DENND1B: variants seen among roughly 807,000 people sequenced by gnomAD.
DENND1B encodes DENN domain containing 1B.
A neutral mutation model predicts 90.1 loss-of-function variants in DENND1B; 59 were observed. The ratio of observed to expected loss-of-function variants is 0.65; its 90% CI spans 0.53 to 0.81. The LOEUF (loss-of-function observed/expected upper bound fraction) is 0.81. Among genes scored for constraint, DENND1B ranks in the 40% least tolerant of loss-of-function variants. The pLI is 0.00. For synonymous variants in DENND1B, 337 were observed against 324.6 expected, an observed-to-expected ratio of 1.04 and a Z score of -0.41; for missense variants, 862 against 912.6, an observed-to-expected ratio of 0.94 and a Z score of 0.71.
chr1:197,649,287 C>T (rs927044799), intron 7 of DENND1B, among the ~76,000 whole-genome samples: 11 of 152,104 alleles, frequency 7.2e-5, no homozygotes, highest in South Asian at 2.1e-4. Context: ...TGGGGAGCTA[C>T]GAAAGGTTTT....
At chr1:197,653,991 T>A (rs1216555130) in intron 6 of DENND1B, among the ~76,000 whole-genome samples, 1 of 152,190 alleles carries the variant, frequency 6.6e-6, no homozygotes, top group Non-Finnish European at 1.5e-5. Flanking sequence ...TGAATGTCTG[T>A]ACAGCTTCAA....
intron 2 of DENND1B, among the ~76,000 whole-genome samples, chr1:197,771,163 C>T (rs1656553067): frequency 6.6e-6 from 1 of 152,018 alleles, no homozygotes; most frequent in South Asian, 2.1e-4. Context: ...CTGTCCACCT[C>T]GGCCTCCAAA....
chr1:197,624,880 C>T (rs985521200), intron 10 of DENND1B, among the ~76,000 whole-genome samples: 4 of 151,862 alleles, frequency 2.6e-5, no homozygotes, highest in Admixed American at 6.6e-5. Flanking sequence ...GCAGAAGCCT[C>T]AGGAGCCGAT....
At chr1:197,770,608 A>G (rs12748992) in intron 2 of DENND1B, among the ~76,000 whole-genome samples, 14 of 126,738 alleles carry the variant, frequency 1.1e-4, no homozygotes, top group Admixed American at 2.6e-4. Context: ...GTGTGTGTGT[A>G]TATATATCTA....
intron 10 of DENND1B, among the ~76,000 whole-genome samples, chr1:197,628,325 G>A (rs1352669668): frequency 6.6e-6 from 1 of 152,144 alleles, no homozygotes; most frequent in Non-Finnish European, 1.5e-5. Context: ...TACCAAAACA[G>A]ATATATAGAT....
chr1:197,672,963 T>C (rs1655672940), intron 4 of DENND1B, among the ~76,000 whole-genome samples: 1 of 151,988 alleles, frequency 6.6e-6, no homozygotes, highest in Admixed American at 6.6e-5. Flanking sequence ...TGCTTCCTTG[T>C]CCCAAAATAA....
chr1:197,692,312 A>C (rs1364413258), intron 3 of DENND1B, among the ~76,000 whole-genome samples: 1 of 151,798 alleles, frequency 6.6e-6, no homozygotes, highest in Non-Finnish European at 1.5e-5. Context: ...TTTAAAATAT[A>C]GATGTGATGT....
intron 3 of DENND1B, among the ~76,000 whole-genome samples, chr1:197,697,697 T>C (rs1160839392): frequency 6.6e-6 from 1 of 151,618 alleles, no homozygotes; most frequent in Non-Finnish European, 1.5e-5. Flanking sequence ...AAGATACATA[T>C]AGGATCAAAA....
intron 7 of DENND1B, among the ~76,000 whole-genome samples, chr1:197,648,174 TACCA>T (rs1278269131): frequency 6.6e-6 from 1 of 152,184 alleles, no homozygotes; most frequent in Non-Finnish European, 1.5e-5. Flanking sequence ...TTCAATTTGC[TACCA>T]ACCAACACCT....
intron 2 of DENND1B, among the ~76,000 whole-genome samples, chr1:197,725,754 G>C (rs75963595): frequency 6.6e-6 from 1 of 151,834 alleles, no homozygotes; most frequent in Non-Finnish European, 1.5e-5. Context: ...AAAGGGCCTT[G>C]AGAGTGATAA....
chr1:197,557,110 T>C lies in DENND1B; in HGVS notation c.1150-3998A>G, dbSNP rs115862952. ...ACTTATAATGTTGGCATCTTTGCTA[T>C]ACATAATGGTAATTTTTAAATAAGG... On this transcript the variant is annotated intron_variant, in intron 15 of 22. Coordinates refer to ENST00000620048, the MANE Select transcript of DENND1B (RefSeq NM_001195215.2). Among the ~76,000 whole-genome samples, 899 of 152,146 alleles carry C rather than the reference T, an allele frequency of 5.9e-3. 13 individuals are homozygous for C. The highest frequency in any genetic ancestry group is 0.02 in the African/African-American group (841 of 41,558).
chr1:197,565,543 G>C (rs1482554825), intron 15 of DENND1B, among the ~76,000 whole-genome samples: 3 of 150,786 alleles, frequency 2.0e-5, no homozygotes, highest in African/African-American at 4.9e-5. Context: ...CAATGTGCAG[G>C]TTAGTTACAT....
intron 7 of DENND1B, among the ~76,000 whole-genome samples, chr1:197,648,292 T>A (rs1680914498): frequency 6.6e-6 from 1 of 152,112 alleles, no homozygotes; most frequent in Admixed American, 6.6e-5. Flanking sequence ...AAAAAAAGGA[T>A]CATCTAAAGA....
intron 20 of DENND1B, among the ~76,000 whole-genome samples, chr1:197,529,830 A>G (rs1558206975): frequency 6.6e-6 from 1 of 152,152 alleles, no homozygotes; most frequent in Non-Finnish European, 1.5e-5. Context: ...ATGAAAGAAC[A>G]TAAGTACATA....
intron 10 of DENND1B, among the ~76,000 whole-genome samples, chr1:197,638,630 T>A (rs1050508659): frequency 6.6e-6 from 1 of 152,156 alleles, no homozygotes; most frequent in African/African-American, 2.4e-5. Flanking sequence ...CTACCTATGG[T>A]CACAAAACAG....
chr1:197,607,284 A>T, intron 12 of DENND1B, 110 bp from the exon 13 acceptor site: 1 of 649,988 alleles, frequency 1.5e-6, no homozygotes, highest in East Asian at 3.1e-5. Context: ...TGGGAAAAGA[A>T]AAAAGGAAAA....
intron 1 of DENND1B, among the ~76,000 whole-genome samples, chr1:197,773,323 TC>T (rs972771025): frequency 2.0e-4 from 30 of 152,156 alleles, no homozygotes; most frequent in African/African-American, 7.2e-4. Flanking sequence ...AGCCAGAGTG[TC>T]CCTAAGTGTC....
At chr1:197,622,276 C>T (rs10801620) in intron 10 of DENND1B, among the ~76,000 whole-genome samples, 1 of 151,024 alleles carries the variant, frequency 6.6e-6, no homozygotes, top group African/African-American at 2.4e-5. Context: ...TCACAACAAC[C>T]TCATCAAGTA....
At chr1:197,614,949 G>T (rs1677512962) in intron 11 of DENND1B, among the ~76,000 whole-genome samples, 1 of 150,920 alleles carries the variant, frequency 6.6e-6, no homozygotes, top group African/African-American at 2.4e-5. Context: ...TCATAGACTT[G>T]CCACATTAAA....
Sources: gnomAD v4.1 joint callset for allele counts (sites outside exome capture counted in the v4.1 genomes callset) on GRCh38, gnomAD v4.1.1 for gene constraint, MANE v1.5 for transcripts, NCBI Gene and HGNC (gene_info 2026-07-23, HGNC 2026-07-21) for gene names.